Variants in ALG6 observed in about 807,000 individuals in gnomAD.
The protein encoded by ALG6 is ALG6 alpha-1,3-glucosyltransferase, also known as dolichyl pyrophosphate Man9GlcNAc2 alpha-1,3-glucosyltransferase.
In ALG6, 46 loss-of-function variants were observed where a neutral mutation model predicts 66.6. The observed-to-expected ratio is 0.69, with a 90% CI of 0.55 to 0.88. The LOEUF is 0.88. ALG6 is among the 40% of genes least tolerant of loss of function. The probability of loss-of-function intolerance (pLI) is 0.00; values close to 1 mark genes in which losing one functional copy is unlikely to be tolerated. For missense variants in ALG6, 505 were observed against 586.8 expected, an observed-to-expected ratio of 0.86 and a Z score of 1.44; for synonymous variants, 185 against 203.7, an observed-to-expected ratio of 0.91 and a Z score of 0.78.
chr1:63,375,934 A>G (rs1351780706), intron 2 of ALG6, among the ~76,000 whole-genome samples: 2 of 152,166 alleles, frequency 1.3e-5, no homozygotes, highest in African/African-American at 4.8e-5. Context: ...TTTCTGCTGT[A>G]TCAATGATTA....
chr1:63,402,363 T>C lies in ALG6; in HGVS notation c.257+20T>C. On this transcript the variant is annotated intron_variant, in intron 4 of 14. Transcript: ENST00000263440. Reference sequence around the variant, plus strand: ...ATATGTGTAAGTTTTTCTTTCTTAATGTAACTCTAAATTTTTATGCCCTTG... The same window carrying C: ...ATATGTGTAAGTTTTTCTTTCTTAACGTAACTCTAAATTTTTATGCCCTTG... The C allele has an allele frequency of 6.4e-7, 1 of 1,551,372 alleles. No homozygotes were observed. The highest frequency in any genetic ancestry group is 1.4e-5 in the African/African-American group (1 of 73,776).
At chr1:63,436,664 T>C (rs1644680077) in intron 14 of ALG6, among the ~76,000 whole-genome samples, 159 bp from the exon 15 acceptor site, 1 of 152,156 alleles carries the variant, frequency 6.6e-6, no homozygotes, top group African/African-American at 2.4e-5. Flanking sequence ...AAACTCCTCA[T>C]ATGATTCTAA....
intron 7 of ALG6, among the ~76,000 whole-genome samples, chr1:63,410,196 A>G (rs180831321): frequency 7.9e-5 from 12 of 152,224 alleles, no homozygotes; most frequent in Admixed American, 4.6e-4. Context: ...TTCCAGAAAT[A>G]TGTTGAAATC....
chr1:63,381,459 A>G (rs1648304331), intron 2 of ALG6, among the ~76,000 whole-genome samples: 1 of 152,148 alleles, frequency 6.6e-6, no homozygotes, highest in Non-Finnish European at 1.5e-5. Flanking sequence ...CTCAAAAGAC[A>G]AAAACAAATA....
At chr1:63,432,941 TTTTTA>T (rs922118995) in intron 14 of ALG6, among the ~76,000 whole-genome samples, 1 of 152,064 alleles carries the variant, frequency 6.6e-6, no homozygotes, top group Non-Finnish European at 1.5e-5. Context: ...TAATTTTTAT[TTTTTA>T]TTTTATTCTT....
chr1:63,372,954 G>C (rs1047240854), intron 2 of ALG6, among the ~76,000 whole-genome samples: 5 of 151,132 alleles, frequency 3.3e-5, no homozygotes, highest in African/African-American at 1.2e-4. Flanking sequence ...CACCGTGCCT[G>C]GCCTGTAGCT....
intron 12 of ALG6, among the ~76,000 whole-genome samples, chr1:63,427,058 T>C (rs1644618770): frequency 6.6e-6 from 1 of 152,128 alleles, no homozygotes; most frequent in Admixed American, 6.5e-5. Context: ...TGGAGTGCAG[T>C]GGCACGATCT....
At chr1:63,385,181 CTTCTTTTTTTTTTTTT>C (rs1474178694) in intron 2 of ALG6, among the ~76,000 whole-genome samples, 5 of 70,972 alleles carry the variant, frequency 7.0e-5, no homozygotes, top group African/African-American at 2.1e-4. Flanking sequence ...TCTTTTACTT[CTTCTTTTTTTTTTTTT>C]TTTTTTTTTT....
At chr1:63,431,383 G>C (rs1447311906) in intron 14 of ALG6, among the ~76,000 whole-genome samples, 2 of 152,116 alleles carry the variant, frequency 1.3e-5, no homozygotes, top group Non-Finnish European at 2.9e-5. Flanking sequence ...GATTTTGATA[G>C]GGACTGAGTC....
chr1:63,428,202 A>G (rs1644627167), intron 12 of ALG6: 1 of 152,390 alleles, frequency 6.6e-6, no homozygotes, highest in African/African-American at 2.4e-5. Flanking sequence ...AGCTCTTCCT[A>G]CTAATTTCTT....
chr1:63,396,567 A>G lies in ALG6; in HGVS notation c.137A>G (p.Glu46Gly), dbSNP rs559219690. ...TATGAAGCTCAGAGACACTGGCAAGAAATAACTTTTAATTTACCGGTCAAA... is the reference window on the plus strand; with the variant it reads ...TATGAAGCTCAGAGACACTGGCAAGGAATAACTTTTAATTTACCGGTCAAA... ...GDYEAQRHWQ[E>G]ITFNLPVKQW... Residue 46 changes from glutamate to glycine, a missense_variant, in exon 3 of 15, where the codon GAA (glutamate) becomes GGA (glycine). Transcript: ENST00000263440. 1.2e-6 allele frequency: 2 copies of G among 1,614,118 alleles called. No individual in the cohort carries two copies. Among genetic ancestry groups the G allele is most frequent in the Admixed American group, 3.3e-5 (2 of 60,018 alleles).
At chr1:63,372,712 T>C (rs1461943871) in intron 2 of ALG6, among the ~76,000 whole-genome samples, 1 of 152,000 alleles carries the variant, frequency 6.6e-6, no homozygotes, top group African/African-American at 2.4e-5. Flanking sequence ...CAGGCTGGAG[T>C]GCAGTGGCGC....
At chr1:63,435,572 T>C (rs2100446863) in intron 14 of ALG6, among the ~76,000 whole-genome samples, 1 of 152,288 alleles carries the variant, frequency 6.6e-6, no homozygotes, top group East Asian at 1.9e-4. Context: ...CTACTGTTTC[T>C]CACTGCTTTC....
chr1:63,406,529 A>G, intron 6 of ALG6, 130 bp downstream of exon 6: 1 of 791,798 alleles, frequency 1.3e-6, no homozygotes, highest in Non-Finnish European at 2.1e-6. Context: ...TCTTCTATCA[A>G]TTTTCACTTC....
chr1:63,401,702 G>C lies in ALG6; in HGVS notation c.168-552G>C, dbSNP rs886924024. The stretch of plus-strand genomic sequence containing the variant: ...AAAAAGAAATAAGCTTATGAACAAT[G>C]GTTATTTATGGGTTATATAGTTTGG... On this transcript the variant is annotated intron_variant, in intron 3 of 14. Transcript: ENST00000263440. Among the ~76,000 whole-genome samples, 6 of 151,966 alleles carry C rather than the reference G, an allele frequency of 3.9e-5. No homozygotes were observed. The South Asian group carries it at 1.0e-3, about 26-fold the overall frequency.
In ALG6 at chr1:63,381,825, C is replaced by T. The variant is rs139837984; in HGVS notation, c.82+10766C>T. Among the ~76,000 whole-genome samples, 525 of 152,202 alleles carry T rather than the reference C, an allele frequency of 3.4e-3. 3 individuals are homozygous for T. Among genetic ancestry groups the T allele is most frequent in the African/African-American group, 0.011 (465 of 41,526 alleles). ...CTGTGATTCTGCTGAGATATTGTTC[C>T]TTCTGTTGATTAAAATACTATTTTT... is the stretch of plus-strand genomic sequence containing the variant. On this transcript the variant is annotated intron_variant, in intron 2 of 14. Coordinates refer to ENST00000263440, the MANE Select transcript of ALG6 (RefSeq NM_013339.4).
At chr1:63,429,315 A>G (rs969839864) in intron 14 of ALG6, among the ~76,000 whole-genome samples, 189 bp downstream of exon 14, 1 of 152,180 alleles carries the variant, frequency 6.6e-6, no homozygotes, top group Non-Finnish European at 1.5e-5. Flanking sequence ...ATCTAATTTT[A>G]CATTATTTTG....
In ALG6 at chr1:63,367,953, A is replaced by C. The variant is rs148695329; in HGVS notation, c.-208+266A>C. Among the ~76,000 whole-genome samples the C allele has an allele frequency of 3.7e-3, 553 of 151,492 alleles. 2 individuals carry two copies. The highest frequency in any genetic ancestry group is 0.012 in the African/African-American group (499 of 40,872). On this transcript the variant is annotated intron_variant, in intron 1 of 14. Transcript: ENST00000263440. ...TGCGGTTCTGAGGGCCTGGCCCTCA[A>C]GAGGAGGGGCGGAGAAACGCGAGAA...
At chr1:63,400,427 A>C (rs184545089) in intron 3 of ALG6, among the ~76,000 whole-genome samples, 381 of 146,042 alleles carry the variant, frequency 2.6e-3, no homozygotes, top group Admixed American at 4.0e-3. Context: ...ATTCCTACTG[A>C]TATATTTTGA....
Sources: gnomAD v4.1 joint callset for allele counts (sites outside exome capture counted in the v4.1 genomes callset) on GRCh38, gnomAD v4.1.1 for gene constraint, MANE v1.5 for transcripts, NCBI Gene and HGNC (gene_info 2026-07-23, HGNC 2026-07-21) for gene names.